The following TCERG1L variants were observed in gnomAD, a reference collection of about 807,000 sequenced individuals.
TCERG1L encodes the protein transcription elongation regulator 1-like protein.
Under a neutral mutation model 56.3 loss-of-function variants are expected in TCERG1L, and 37 were observed. That is an observed-to-expected ratio of 0.66 (90% CI 0.51 to 0.87). The LOEUF is 0.87. Ranked by LOEUF, TCERG1L falls within the 40% of genes least tolerant of loss-of-function variation. The probability of loss-of-function intolerance (pLI) is 0.00; values close to 1 mark genes in which losing one functional copy is unlikely to be tolerated. For missense variants in TCERG1L, 799 were observed against 774.2 expected (o/e 1.03, Z -0.38); for synonymous variants, 324 against 326.3 (o/e 0.99, Z 0.08).
chr10:131,202,644 C>T (rs558504637), intron 4 of TCERG1L, among the ~76,000 whole-genome samples: 1 of 152,122 alleles, frequency 6.6e-6, no homozygotes, highest in African/African-American at 2.4e-5. Flanking sequence ...CTTTAAGGTA[C>T]ACTGCTAAGT....
Position 131,274,589 on chromosome 10 carries a change from G to A in TCERG1L, c.671-14145C>T, listed in dbSNP as rs529424141. On this transcript the variant is annotated intron_variant, in intron 3 of 11. Coordinates refer to ENST00000368642, the MANE Select transcript of TCERG1L (RefSeq NM_174937.4). ...GGGCTTCTTTCACTCCGGTTGTTTC[G>A]TTAAAACCCCCTTAGGGCCCAGCTC... Among the ~76,000 whole-genome samples the A allele has an allele frequency of 4.9e-4, 75 of 152,192 alleles. 1 individual carries two copies. The South Asian group carries it at 0.015, about 31-fold the overall frequency.
chr10:131,175,649 C>T (rs969719114), intron 4 of TCERG1L, among the ~76,000 whole-genome samples: 1 of 152,194 alleles, frequency 6.6e-6, no homozygotes, highest in Non-Finnish European at 1.5e-5. Context: ...CATCTTTATC[C>T]AAAGTAGGGA....
At chr10:131,181,334 G>A (rs544054158) in intron 4 of TCERG1L, among the ~76,000 whole-genome samples, 31 of 152,288 alleles carry the variant, frequency 2.0e-4, no homozygotes, top group African/African-American at 7.0e-4. Context: ...CCAGGGGCCC[G>A]GGGGTGTCTG....
chr10:131,202,849 A>G (rs1424440215), intron 4 of TCERG1L, among the ~76,000 whole-genome samples: 1 of 152,240 alleles, frequency 6.6e-6, no homozygotes, highest in African/African-American at 2.4e-5. Flanking sequence ...AAAATAAAAT[A>G]TGTTCATTTT....
chr10:131,167,306 A>C (rs552065469), intron 4 of TCERG1L, among the ~76,000 whole-genome samples: 1 of 152,234 alleles, frequency 6.6e-6, no homozygotes, highest in African/African-American at 2.4e-5. Flanking sequence ...GGCTGTGACA[A>C]CCCTCACACT....
At chr10:131,244,320 G>C (rs918294910) in intron 4 of TCERG1L, among the ~76,000 whole-genome samples, 1 of 152,148 alleles carries the variant, frequency 6.6e-6, no homozygotes, top group African/African-American at 2.4e-5. Context: ...AGTGTCAGGT[G>C]CACCCACATG....
chr10:131,194,215 G>A (rs1845333373), intron 4 of TCERG1L, among the ~76,000 whole-genome samples: 1 of 152,234 alleles, frequency 6.6e-6, no homozygotes, highest in African/African-American at 2.4e-5. Flanking sequence ...GCTACCATGT[G>A]CCAGGCACTG....
chr10:131,206,739 G>A lies in TCERG1L; in HGVS notation c.857-39854C>T, dbSNP rs371505771. Reference sequence around the variant, plus strand: ...CAGCCAGGGTGAAATAGTGGCTGGGGCAGCCCCGACAGTGATTTCCCAGGG... The same window carrying A: ...CAGCCAGGGTGAAATAGTGGCTGGGACAGCCCCGACAGTGATTTCCCAGGG... On this transcript the variant is annotated intron_variant, in intron 4 of 11. Transcript: ENST00000368642. Among the ~76,000 whole-genome samples, 342 of 152,288 alleles carry A rather than the reference G, an allele frequency of 2.2e-3. 2 individuals carry two copies. In the East Asian group the frequency reaches 0.025, roughly 11 times the overall value.
intron 4 of TCERG1L, among the ~76,000 whole-genome samples, chr10:131,226,584 GCA>G (rs1335130460): frequency 2.0e-5 from 3 of 152,222 alleles, no homozygotes; most frequent in Admixed American, 6.5e-5. Flanking sequence ...CTGCTCAGCA[GCA>G]CAGTCTTAAT....
intron 8 of TCERG1L, among the ~76,000 whole-genome samples, chr10:131,127,762 C>G (rs12257636): frequency 2.0e-5 from 3 of 151,868 alleles, no homozygotes; most frequent in Non-Finnish European, 4.4e-5. Context: ...CGTGTCACAA[C>G]AGCAGACTCT....
chr10:131,115,300 C>T (rs1283712322), intron 9 of TCERG1L, among the ~76,000 whole-genome samples: 1 of 152,236 alleles, frequency 6.6e-6, no homozygotes, highest in African/African-American at 2.4e-5. Context: ...GAGCTTTTCA[C>T]CACTCTGCAG....
chr10:131,094,308 A>C (rs1206185747), intron 11 of TCERG1L, among the ~76,000 whole-genome samples: 1 of 152,208 alleles, frequency 6.6e-6, no homozygotes, highest in Non-Finnish European at 1.5e-5. Flanking sequence ...GGTGCACGGA[A>C]AATGTGGACA....
At chr10:131,177,079 C>T (rs1215180504) in intron 4 of TCERG1L, among the ~76,000 whole-genome samples, 1 of 131,802 alleles carries the variant, frequency 7.6e-6, no homozygotes, top group South Asian at 2.3e-4. Flanking sequence ...CACATACACA[C>T]ACACGTACTC....
At position 131,310,831 on chromosome 10, in the gene TCERG1L, G is replaced by A. The variant is rs183642052; in HGVS notation, c.342+463C>T. On this transcript the variant is annotated intron_variant, in intron 1 of 11. Transcript: ENST00000368642. ...TGAGTCTATTTTCAAATGAAAGGGG[G>A]AAAAACCCAAACCAGATTAGAATCT... Among the ~76,000 whole-genome samples, 39 of 152,316 alleles carry A rather than the reference G, an allele frequency of 2.6e-4. No individual in the cohort carries two copies. The East Asian group carries it at 7.1e-3, about 28-fold the overall frequency.
rs557538889 is a variant in TCERG1L, at chr10:131,260,748, T to C, written c.671-304A>G. ...CCCGGGTGCCTTAAAGAGAAACTGC[T>C]TGTCCCTGGTGCCAGTGTGTTAAGT... On this transcript the variant is annotated intron_variant, in intron 3 of 11. Transcript: ENST00000368642. This position sits in a 1 kb window ranked among gnomAD's most constrained non-coding sequence, Gnocchi z 5.8. Among the ~76,000 whole-genome samples, 239 of 152,290 alleles carry C rather than the reference T, an allele frequency of 1.6e-3. 1 individual carries two copies. The highest frequency in any genetic ancestry group is 5.5e-3 in the African/African-American group (229 of 41,556).
intron 3 of TCERG1L, among the ~76,000 whole-genome samples, chr10:131,270,798 C>T (rs907656621): frequency 6.6e-6 from 1 of 152,154 alleles, no homozygotes; most frequent in African/African-American, 2.4e-5. Flanking sequence ...TCAGGCTTGG[C>T]GAGGTTTGTC....
chr10:131,196,280 T>G (rs900008684), intron 4 of TCERG1L, among the ~76,000 whole-genome samples: 12 of 152,170 alleles, frequency 7.9e-5, no homozygotes, highest in African/African-American at 2.9e-4. Flanking sequence ...CACCACTTCT[T>G]GAAGAGTTCA....
At chr10:131,094,482 C>A (rs546137437) in intron 11 of TCERG1L, among the ~76,000 whole-genome samples, 1 of 152,308 alleles carries the variant, frequency 6.6e-6, no homozygotes, top group East Asian at 1.9e-4. Flanking sequence ...GAAGACAAGA[C>A]AAATAATTAG....
chr10:131,100,778 T>C (rs1845297525), intron 10 of TCERG1L, among the ~76,000 whole-genome samples: 1 of 152,232 alleles, frequency 6.6e-6, no homozygotes, highest in South Asian at 2.1e-4. Context: ...ACAGATTCTA[T>C]GTCTGATACT....
Sources: gnomAD v4.1 joint callset for allele counts (sites outside exome capture counted in the v4.1 genomes callset) on GRCh38, gnomAD v4.1.1 for gene constraint, Gnocchi (gnomAD v3.1) non-coding constraint, MANE v1.5 for transcripts, NCBI Gene and HGNC (gene_info 2026-07-23, HGNC 2026-07-21) for gene names.